The following CDH23 variants were observed in gnomAD, a reference collection of about 807,000 sequenced individuals.
CDH23 encodes cadherin related 23.
Under a neutral mutation model 317.1 loss-of-function variants are expected in CDH23, and 189 were observed. The observed-to-expected ratio is 0.60, with a 90% CI of 0.53 to 0.67. The LOEUF (loss-of-function observed/expected upper bound fraction) is 0.67. Among genes scored for constraint, CDH23 ranks in the 30% least tolerant of loss-of-function variants. The pLI, the probability that CDH23 is intolerant of heterozygous loss-of-function variation, is 0.00. For missense variants in CDH23, 4,401 were observed against 4,592.4 expected, an observed-to-expected ratio of 0.96 and a Z score of 1.20; for synonymous variants, 1,839 against 1,876.8, an observed-to-expected ratio of 0.98 and a Z score of 0.52.
chr10:71,742,087 C>T (rs2132848591), intron 38 of CDH23, 166 bp downstream of exon 38: 1 of 652,654 alleles, frequency 1.5e-6, no homozygotes, highest in South Asian at 2.0e-5. Context: ...ATGGCCTCCC[C>T]TTACGGAGGC....
chr10:71,418,301 C>T (rs1236880340), intron 1 of CDH23, among the ~76,000 whole-genome samples: 2 of 152,146 alleles, frequency 1.3e-5, no homozygotes, highest in African/African-American at 4.8e-5. Context: ...AGGGAAGATT[C>T]ATTGTATCAT....
At chr10:71,421,382 TG>T (rs1848809093) in intron 1 of CDH23, among the ~76,000 whole-genome samples, 1 of 152,162 alleles carries the variant, frequency 6.6e-6, no homozygotes, top group Non-Finnish European at 1.5e-5. Context: ...GGGGAGTGGG[TG>T]GGGGCATATG....
intron 18 of CDH23, among the ~76,000 whole-genome samples, chr10:71,685,875 C>T (rs1417897060): frequency 6.6e-6 from 1 of 152,196 alleles, no homozygotes; most frequent in Non-Finnish European, 1.5e-5. Flanking sequence ...TGTCACTCGG[C>T]TAAGCGGCCT....
chr10:71,650,415 T>C (rs925307374), intron 14 of CDH23, among the ~76,000 whole-genome samples: 1 of 152,122 alleles, frequency 6.6e-6, no homozygotes, highest in African/African-American at 2.4e-5. Flanking sequence ...TGCATATGTG[T>C]ATATGTGCGC....
intron 6 of CDH23, among the ~76,000 whole-genome samples, chr10:71,553,331 C>T (rs1055072059): frequency 6.6e-6 from 1 of 152,194 alleles, no homozygotes; most frequent in African/African-American, 2.4e-5. Flanking sequence ...CTCACCACCC[C>T]TCAGCTCCTC....
At chr10:71,464,416 C>G (rs995246797) in intron 3 of CDH23, among the ~76,000 whole-genome samples, 12 of 152,306 alleles carry the variant, frequency 7.9e-5, no homozygotes, top group African/African-American at 2.9e-4. Context: ...TCCAAGGCAG[C>G]CTGTCTGTGT....
intron 9 of CDH23, among the ~76,000 whole-genome samples, chr10:71,607,054 C>G (rs1441992415): frequency 6.6e-6 from 1 of 152,226 alleles, no homozygotes; most frequent in Non-Finnish European, 1.5e-5. Flanking sequence ...CTTTTGTCAT[C>G]AGGCAGCTAA....
intron 6 of CDH23, among the ~76,000 whole-genome samples, chr10:71,520,179 G>A (rs536776695): frequency 1.3e-5 from 2 of 152,330 alleles, no homozygotes; most frequent in Admixed American, 6.5e-5. Context: ...CGAGGAGCTC[G>A]ACAGATGGAC....
At chr10:71,798,003 T>G (rs1589427601) in intron 49 of CDH23, among the ~76,000 whole-genome samples, 1 of 152,042 alleles carries the variant, frequency 6.6e-6, no homozygotes, top group Non-Finnish European at 1.5e-5. Context: ...GAGGCTCAGA[T>G]GGTTAAGGGC....
At chr10:71,803,516 C>A in intron 55 of CDH23, 96 bp downstream of exon 55, 1 of 1,166,672 alleles carries the variant, frequency 8.6e-7, no homozygotes, top group Non-Finnish European at 1.2e-6. Context: ...GGTGGGGAAA[C>A]TTGGCTTCAG....
chr10:71,454,810 T>A (rs2132043917), intron 3 of CDH23, among the ~76,000 whole-genome samples: 1 of 151,904 alleles, frequency 6.6e-6, no homozygotes, highest in East Asian at 1.9e-4. Flanking sequence ...TAACACATAT[T>A]AAAATAAATA....
Position 71,785,712 on chromosome 10 carries a change from C to T in CDH23, c.5794C>T (p.Pro1932Ser), listed in dbSNP as rs1350966851. 1 of 1,607,084 alleles carries T rather than the reference C, an allele frequency of 6.2e-7. No individual in the cohort carries two copies. The highest frequency in any genetic ancestry group is 8.5e-7 in the Non-Finnish European group (1 of 1,176,718). Residue 1932 changes from proline (P) to serine (S), a missense_variant, in exon 44 of 70, where the codon CCG becomes TCG. This residue lies in a region of CDH23 where 3,068 missense variants were observed against 3,203.3 expected (regional missense o/e 0.96). Coordinates refer to ENST00000224721, the MANE Select transcript of CDH23 (RefSeq NM_022124.6). ...GCTGACCATTTCTGTGAAGGACAAC[C>T]CGGAGAATCCACGCATAGCCAGGAG... The part of the protein sequence containing the change: ...YKLTISVKDN[P>S]ENPRIARRDY...
rs397517339 is a variant in CDH23, at chr10:71,784,417, C to T, written c.5499C>T (p.Ser1833=). Residue 1833 remains serine, a synonymous_variant, in exon 42 of 70, where the codon TCC becomes TCT. Transcript: ENST00000224721. ...ARDRGMPPLS[S]TMLVGIRVLD... Reference sequence around the variant, plus strand: ...ACCGGGGGATGCCCCCACTCAGCTCCACAGTGAGTCTGGGGGCCCCACCCG... The same window carrying T: ...ACCGGGGGATGCCCCCACTCAGCTCTACAGTGAGTCTGGGGGCCCCACCCG... 2.5e-6 allele frequency: 4 copies of T among 1,612,514 alleles called. No homozygotes were observed. Among genetic ancestry groups the T allele is most frequent in the Non-Finnish European group, 3.4e-6 (4 of 1,179,100 alleles).
intron 11 of CDH23, among the ~76,000 whole-genome samples, chr10:71,633,806 G>A (rs931422892): frequency 8.5e-5 from 13 of 152,092 alleles, no homozygotes; most frequent in Admixed American, 1.3e-4. Flanking sequence ...GCAGGCCAGC[G>A]CCAGTCCTCG....
chr10:71,797,302 GT>G, intron 49 of CDH23, 82 bp downstream of exon 49: 1 of 947,476 alleles, frequency 1.1e-6, no homozygotes, highest in Non-Finnish European at 1.6e-6. Flanking sequence ...GCACTGGTCT[GT>G]CCCCAGGGAG....
At chr10:71,572,942 TG>T (rs1284363500) in intron 8 of CDH23, among the ~76,000 whole-genome samples, 1 of 151,996 alleles carries the variant, frequency 6.6e-6, no homozygotes, top group Non-Finnish European at 1.5e-5. Flanking sequence ...CCAACTAGAT[TG>T]AAGTATAGAA....
At position 71,586,745 on chromosome 10, in the gene CDH23, T is replaced by G. The variant is rs866489790; in HGVS notation, c.832+8753T>G. ...TCCTTTTGGCAAATATCTTATCGCA[T>G]ATATGTGGATGACATATTGCTTGAA... is the stretch of plus-strand genomic sequence containing the variant. On this transcript the variant is annotated intron_variant, in intron 9 of 69. Transcript: ENST00000224721. Among the ~76,000 whole-genome samples the G allele has an allele frequency of 1.8e-4, 27 of 152,356 alleles. No individual in the cohort carries two copies. In the South Asian group the frequency reaches 1.9e-3, roughly 11 times the overall value.
chr10:71,755,241 T>A lies in CDH23; in HGVS notation c.4845+13320T>A, dbSNP rs962819673. 33 of 963,030 alleles carry A rather than the reference T, an allele frequency of 3.4e-5. 1 individual carries two copies. In the South Asian group the frequency reaches 4.4e-4, roughly 13 times the overall value. The allele number at this position is 963,030 out of a possible 1,614,324, so 59.7% of individuals were successfully genotyped here. A position where few individuals can be genotyped will look rare whatever the true frequency, so the allele number is the denominator to read the frequency against. On this transcript the variant is annotated intron_variant, in intron 38 of 69. Coordinates refer to ENST00000224721, the MANE Select transcript of CDH23 (RefSeq NM_022124.6). The stretch of plus-strand genomic sequence containing the variant: ...GGCGGGAAGTGCAGCTGCTCCCAAC[T>A]CTCAAATGAAAAGGAATTGTGCCTG...
intron 1 of CDH23, among the ~76,000 whole-genome samples, chr10:71,423,970 G>A (rs1223527855): frequency 1.3e-5 from 2 of 152,232 alleles, no homozygotes; most frequent in African/African-American, 2.4e-5. Flanking sequence ...TACATACAAC[G>A]GAGCATGGTT....
Sources: gnomAD v4.1 joint callset for allele counts (sites outside exome capture counted in the v4.1 genomes callset) on GRCh38, gnomAD v4.1.1 for gene constraint, gnomAD v4.1.1 regional missense constraint, MANE v1.5 for transcripts, NCBI Gene and HGNC (gene_info 2026-07-23, HGNC 2026-07-21) for gene names.